Variants in METTL16 observed in about 807,000 individuals in gnomAD.
The protein encoded by METTL16 is RNA N(6)-adenosine-methyltransferase METTL16.
Under a neutral mutation model 57.9 loss-of-function variants are expected in METTL16, and 19 were observed. That is an observed-to-expected ratio of 0.33 (90% confidence interval 0.23 to 0.48). The LOEUF (loss-of-function observed/expected upper bound fraction) is 0.48, where lower values mean the gene tolerates loss of function less well. METTL16 is among the 20% of genes least tolerant of loss of function. The pLI is 0.99. For missense variants in METTL16, 434 were observed against 691.5 expected (o/e 0.63, Z 4.18); for synonymous variants, 246 against 255.6 (o/e 0.96, Z 0.36).
At chr17:2,467,467 C>G (rs554171700) in intron 5 of METTL16, among the ~76,000 whole-genome samples, 8 of 152,150 alleles carry the variant, frequency 5.3e-5, no homozygotes, top group African/African-American at 1.9e-4. Context: ...GCCCTGTAGC[C>G]CAGGCTGGAG....
intron 6 of METTL16, 46 bp downstream of exon 6, chr17:2,464,162 T>C (rs533080466): frequency 4.0e-5 from 63 of 1,577,676 alleles, no homozygotes; most frequent in Middle Eastern, 1.7e-4. Context: ...CGGGTAAATA[T>C]TCCTGTGTTG....
chr17:2,495,217 C>T (rs551236834), intron 2 of METTL16, among the ~76,000 whole-genome samples: 1 of 151,858 alleles, frequency 6.6e-6, no homozygotes, highest in East Asian at 1.9e-4. Flanking sequence ...CCAGTCCCAG[C>T]TACTTGGGAG....
At chr17:2,490,876 T>G in intron 2 of METTL16, among the ~76,000 whole-genome samples, 1 of 152,182 alleles carries the variant, frequency 6.6e-6, no homozygotes, top group East Asian at 1.9e-4. Context: ...AATGATGAAC[T>G]AGAGCACACA....
chr17:2,446,777 T>G (rs1200975087), intron 6 of METTL16, among the ~76,000 whole-genome samples: 1 of 152,040 alleles, frequency 6.6e-6, no homozygotes, highest in Non-Finnish European at 1.5e-5. Flanking sequence ...GAGACGGGGT[T>G]TTGCTGTGTT....
At chr17:2,462,693 G>T (rs1353745528) in intron 6 of METTL16, among the ~76,000 whole-genome samples, 1 of 151,932 alleles carries the variant, frequency 6.6e-6, no homozygotes, top group Non-Finnish European at 1.5e-5. Context: ...TTCACCTTCC[G>T]CCATGATTGT....
intron 6 of METTL16, among the ~76,000 whole-genome samples, chr17:2,457,337 C>CAAA (rs57968051): frequency 5.4e-4 from 23 of 42,570 alleles, no homozygotes; most frequent in South Asian, 8.1e-4. Context: ...GACTCCGTCT[C>CAAA]AAAAAAAAAA....
intron 4 of METTL16, among the ~76,000 whole-genome samples, chr17:2,471,640 T>C (rs977712044): frequency 2.0e-5 from 3 of 151,788 alleles, no homozygotes; most frequent in African/African-American, 4.8e-5. Context: ...ATACAAAAAA[T>C]TGGCCAGGCA....
At chr17:2,460,098 A>C (rs2067139241) in intron 6 of METTL16, 2 of 152,210 alleles carry the variant, frequency 1.3e-5, no homozygotes, top group South Asian at 4.1e-4. Flanking sequence ...ATGTGAGTGA[A>C]AACAATACTT....
chr17:2,451,378 G>A (rs1043176913), intron 6 of METTL16, among the ~76,000 whole-genome samples: 4 of 152,260 alleles, frequency 2.6e-5, no homozygotes, highest in African/African-American at 7.2e-5. Flanking sequence ...CAGCACTTTC[G>A]GAGGGCGAGG....
chr17:2,445,318 G>A (rs1007920672), intron 6 of METTL16, among the ~76,000 whole-genome samples: 2 of 152,122 alleles, frequency 1.3e-5, no homozygotes, highest in African/African-American at 4.8e-5. Context: ...AGGCCTAGGT[G>A]TGTAGTAGGC....
At chr17:2,463,605 GCACC>G (rs2067168232) in intron 6 of METTL16, among the ~76,000 whole-genome samples, 2 of 151,954 alleles carry the variant, frequency 1.3e-5, no homozygotes, top group Admixed American at 6.6e-5. Context: ...GGGACTACAG[GCACC>G]CACCACCACA....
intron 6 of METTL16, among the ~76,000 whole-genome samples, chr17:2,461,502 GGTA>G (rs1443826741): frequency 6.6e-6 from 1 of 152,026 alleles, no homozygotes; most frequent in African/African-American, 2.4e-5. Flanking sequence ...AGATTGAAAA[GGTA>G]GTAGTAGCTC....
chr17:2,419,797 C>A lies in METTL16; in HGVS notation c.*173G>T. On this transcript the variant is annotated 3_prime_UTR_variant, in exon 10 of 10. Transcript: ENST00000263092. ...GACCACACTACGACTCCCTGTAACTCAAAAAGCGGGAAGGAGGCGGGGGGA... is the reference window on the plus strand; with the variant it reads ...GACCACACTACGACTCCCTGTAACTAAAAAAGCGGGAAGGAGGCGGGGGGA... 1.2e-6 allele frequency: 1 copy of A among 801,718 alleles called. No homozygotes were observed. The allele number at this position is 801,718 out of a possible 1,614,324, so 49.7% of individuals were successfully genotyped here.
At chr17:2,430,370 T>C (rs1441286464) in intron 8 of METTL16, among the ~76,000 whole-genome samples, 1 of 151,904 alleles carries the variant, frequency 6.6e-6, no homozygotes, top group East Asian at 1.9e-4. Flanking sequence ...ACAGTTTCAG[T>C]TGCCTTAATT....
intron 5 of METTL16, among the ~76,000 whole-genome samples, chr17:2,464,888 G>A (rs189514428): frequency 7.9e-5 from 12 of 152,190 alleles, no homozygotes; most frequent in Non-Finnish European, 1.3e-4. Flanking sequence ...TCTGAGACAT[G>A]ACAACAAAAG....
At chr17:2,479,022 A>G (rs2067285804) in intron 2 of METTL16, among the ~76,000 whole-genome samples, 1 of 152,198 alleles carries the variant, frequency 6.6e-6, no homozygotes, top group African/African-American at 2.4e-5. Flanking sequence ...ATCATAAGAT[A>G]TATTTGTATT....
chr17:2,426,779 A>G (rs2066823074), intron 8 of METTL16, among the ~76,000 whole-genome samples: 1 of 151,358 alleles, frequency 6.6e-6, no homozygotes, highest in Non-Finnish European at 1.5e-5. Context: ...GAAGAAAACT[A>G]TTGCAGAATG....
intron 2 of METTL16, among the ~76,000 whole-genome samples, chr17:2,493,141 T>G (rs950622372): frequency 1.3e-5 from 2 of 150,294 alleles, no homozygotes; most frequent in African/African-American, 2.4e-5. Flanking sequence ...TTTTTTTTTT[T>G]TTTTTGAGAC....
chr17:2,432,475 G>A (rs1221953490), intron 8 of METTL16, among the ~76,000 whole-genome samples: 1 of 151,986 alleles, frequency 6.6e-6, no homozygotes, highest in African/African-American at 2.4e-5. Context: ...AGGCTGACAG[G>A]GGAGGATCAC....
Sources: allele counts gnomAD v4.1 joint callset (sites outside exome capture counted in the v4.1 genomes callset), GRCh38; gene constraint gnomAD v4.1.1; transcripts MANE v1.5; gene names NCBI Gene and HGNC (gene_info 2026-07-23, HGNC 2026-07-21).